The following TTC17 variants were observed in gnomAD, a reference collection of about 807,000 sequenced individuals.
TTC17 encodes tetratricopeptide repeat protein 17.
In TTC17, 58 loss-of-function variants were observed where a neutral mutation model predicts 143.8. The observed-to-expected ratio is 0.40, with a 90% confidence interval of 0.33 to 0.50. The LOEUF is 0.50. Ranked by LOEUF, TTC17 falls within the 20% of genes least tolerant of loss-of-function variation. TTC17 has a pLI of 0.49. For synonymous variants in TTC17, 501 were observed against 497.8 expected (o/e 1.01, Z -0.09); for missense variants, 1,273 against 1,392.5 (o/e 0.91, Z 1.37).
At position 43,359,162 on chromosome 11, in the gene TTC17, G is replaced by A. The variant is rs1199943483; in HGVS notation, c.159+49G>A. On this transcript the variant is annotated intron_variant, in intron 1 of 23. Transcript: ENST00000039989. ...CTCCCGTGCCCGCCCTCGCCCCGGG[G>A]GGATTACCCTGCTTGGCCCCTGGCT... 2.6e-6 allele frequency: 4 copies of A among 1,511,006 alleles called. No individual in the cohort carries two copies. In the Admixed American group the frequency reaches 6.8e-5, roughly 26 times the overall value. The allele number at this position is 1,511,006 out of a possible 1,614,324, so 93.6% of individuals were successfully genotyped here. A position where few individuals can be genotyped will look rare whatever the true frequency, so the allele number is the denominator to read the frequency against.
chr11:43,365,428 C>T (rs1417540085), intron 1 of TTC17, among the ~76,000 whole-genome samples: 1 of 152,070 alleles, frequency 6.6e-6, no homozygotes, highest in Non-Finnish European at 1.5e-5. Flanking sequence ...GCCACCACAC[C>T]CAGCTAATTT....
At chr11:43,484,190 C>A (rs1343380686) in intron 21 of TTC17, among the ~76,000 whole-genome samples, 2 of 152,044 alleles carry the variant, frequency 1.3e-5, no homozygotes, top group African/African-American at 2.4e-5. Flanking sequence ...GAAGAAAAAA[C>A]AAAATGTCAT....
intron 23 of TTC17, 148 bp downstream of exon 23, chr11:43,492,311 A>G (rs1194139987): frequency 1.8e-6 from 2 of 1,118,952 alleles, no homozygotes; most frequent in Non-Finnish European, 2.5e-6. Context: ...TATTTTATGG[A>G]TAAGGGTTCG....
At chr11:43,401,663 T>C (rs1857862218) in intron 10 of TTC17, 105 bp downstream of exon 10, 5 of 764,982 alleles carry the variant, frequency 6.5e-6, no homozygotes, top group Non-Finnish European at 1.0e-5. Context: ...ATCCCTAAAA[T>C]TTGTGATTGT....
At chr11:43,364,086 C>T (rs1363478797) in intron 1 of TTC17, among the ~76,000 whole-genome samples, 1 of 124,866 alleles carries the variant, frequency 8.0e-6, no homozygotes, top group Non-Finnish European at 1.6e-5. Flanking sequence ...GACGGAGTCT[C>T]ACTCTTATCA....
Position 43,405,854 on chromosome 11 carries a change from C to T in TTC17, c.1664C>T (p.Thr555Ile), listed in dbSNP as rs773046528. ...GCCCAAACCCCTGACTGTTCCATAACTGACTTCAGAAAAAGCCACACTCTG... is the reference window on the plus strand; with the variant it reads ...GCCCAAACCCCTGACTGTTCCATAATTGACTTCAGAAAAAGCCACACTCTG... Reference protein sequence around the residue: ...EEAQTPDCSITDFRKSHTLSY... With the variant: ...EEAQTPDCSIIDFRKSHTLSY... Residue 555 changes from threonine to isoleucine, a missense_variant, in exon 13 of 24, where the codon ACT becomes ATT. This residue lies in a region of TTC17 where 878 missense variants were observed against 899.8 expected (regional missense o/e 0.98). Transcript: ENST00000039989. The T allele has an allele frequency of 2.5e-6, 4 of 1,614,018 alleles. No individual in the cohort carries two copies. The Admixed American group carries it at 6.7e-5, about 27-fold the overall frequency.
chr11:43,480,090 T>C (rs1948257975), intron 21 of TTC17, among the ~76,000 whole-genome samples: 2 of 152,200 alleles, frequency 1.3e-5, no homozygotes, highest in Non-Finnish European at 1.5e-5. Flanking sequence ...AGGAGAAATG[T>C]GGTTTGCAGA....
At chr11:43,369,959 A>C (rs1856498954) in intron 1 of TTC17, 1 of 409,294 alleles carries the variant, frequency 2.4e-6, no homozygotes, top group South Asian at 1.8e-5. Context: ...AGCTTCAAAA[A>C]GTCATAATTA....
intron 7 of TTC17, 108 bp downstream of exon 7, chr11:43,397,599 C>G: frequency 8.1e-7 from 1 of 1,235,440 alleles, no homozygotes; most frequent in African/African-American, 1.6e-5. Flanking sequence ...CTTTTTTGGT[C>G]TGAACGATGG....
At chr11:43,446,609 CA>C in intron 18 of TTC17, 1 of 946,064 alleles carries the variant, frequency 1.1e-6, no homozygotes, top group Non-Finnish European at 1.3e-6. Flanking sequence ...GAAACTCTTC[CA>C]AAACTGTTCC....
intron 15 of TTC17, among the ~76,000 whole-genome samples, chr11:43,408,024 G>T (rs1360289522): frequency 6.6e-6 from 1 of 152,098 alleles, no homozygotes; most frequent in African/African-American, 2.4e-5. Context: ...TAGATACATT[G>T]ATTTTCATGC....
At chr11:43,414,819 G>T in intron 16 of TTC17, 43 bp downstream of exon 16, 1 of 1,582,268 alleles carries the variant, frequency 6.3e-7, no homozygotes, top group South Asian at 1.1e-5. Context: ...AGCTCAGCCA[G>T]AGTTCCTCTT....
chr11:43,463,488 A>G (rs563875051), intron 21 of TTC17, among the ~76,000 whole-genome samples: 52 of 152,252 alleles, frequency 3.4e-4, no homozygotes, highest in East Asian at 1.7e-3. Context: ...AGAGAATTTT[A>G]AAAGAAAATA....
rs1420183866 is a variant in TTC17, at chr11:43,381,323, G to A, written c.249+2001G>A. Among the ~76,000 whole-genome samples the A allele has an allele frequency of 2.0e-5, 3 of 152,292 alleles. No homozygotes were observed. In the East Asian group the frequency reaches 5.8e-4, roughly 29 times the overall value. ...ATAAGCATCTCCATAAACCAGAAAT[G>A]AGGAGAAGCACTAAATTGGGAATGT... On this transcript the variant is annotated intron_variant, in intron 2 of 23. Coordinates refer to ENST00000039989, the MANE Select transcript of TTC17 (RefSeq NM_018259.6).
intron 21 of TTC17, among the ~76,000 whole-genome samples, chr11:43,470,672 C>A (rs1214668016): frequency 6.6e-6 from 1 of 152,306 alleles, no homozygotes; most frequent in South Asian, 2.1e-4. Flanking sequence ...CGGACTTCCA[C>A]GACCTTGAGT....
rs1947785171 is a variant in TTC17, at chr11:43,457,469, A to C, written c.3030+6204A>C. 2.0e-5 allele frequency among the ~76,000 whole-genome samples: 3 copies of C among 152,164 alleles called. 1 individual carries two copies. The highest frequency in any genetic ancestry group is 4.1e-4 in the South Asian group (2 of 4,826). ...AAAGAAGCAAGAATGTATGGTTGAT[A>C]ATAAGGCAAAGTGCAGACAATAGGA... is the stretch of plus-strand genomic sequence containing the variant. On this transcript the variant is annotated intron_variant, in intron 21 of 23. Transcript: ENST00000039989.
intron 21 of TTC17, among the ~76,000 whole-genome samples, chr11:43,481,889 A>G (rs1407811175): frequency 2.0e-5 from 3 of 152,098 alleles, no homozygotes; most frequent in Non-Finnish European, 2.9e-5. Context: ...AGCTCAGTGC[A>G]GCCTCTGCCT....
chr11:43,418,834 G>C (rs2134637654), intron 16 of TTC17, among the ~76,000 whole-genome samples: 1 of 152,186 alleles, frequency 6.6e-6, no homozygotes, highest in East Asian at 1.9e-4. Context: ...CATGATAGTG[G>C]ACTTTCCAAG....
chr11:43,463,591 TC>T (rs1461640706), intron 21 of TTC17, among the ~76,000 whole-genome samples: 5 of 152,206 alleles, frequency 3.3e-5, no homozygotes, highest in Non-Finnish European at 7.3e-5. Flanking sequence ...TTAACCATGT[TC>T]TTGCATGTGA....
Sources: allele counts gnomAD v4.1 joint callset (sites outside exome capture counted in the v4.1 genomes callset), GRCh38; gene constraint gnomAD v4.1.1; regional missense constraint gnomAD v4.1.1; transcripts MANE v1.5; gene names NCBI Gene and HGNC (gene_info 2026-07-23, HGNC 2026-07-21).